RNF215: variants seen among roughly 807,000 people sequenced by gnomAD.
RNF215 encodes ring finger protein 215.
RNF215 carries 41 observed loss-of-function variants against 44.8 expected under a neutral mutation model. The ratio of observed to expected loss-of-function variants is 0.92; its 90% CI spans 0.71 to 1.19. The LOEUF is 1.19. Among genes scored for constraint, RNF215 ranks in the 50% most tolerant of loss-of-function variants. The probability of loss-of-function intolerance (pLI) is 0.00; values close to 1 mark genes in which losing one functional copy is unlikely to be tolerated. For synonymous variants in RNF215, 218 were observed against 230.1 expected (o/e 0.95, Z 0.48); for missense variants, 452 against 496.2 (o/e 0.91, Z 0.85).
intron 2 of RNF215, among the ~76,000 whole-genome samples, chr22:30,386,394 T>C (rs1933600189): frequency 6.6e-6 from 1 of 152,122 alleles, no homozygotes; most frequent in Admixed American, 6.5e-5. Flanking sequence ...CCCCATCCCA[T>C]ACTCTCAGAG....
In RNF215 at chr22:30,384,499, GGAGGGGAAGTC is replaced by G. The variant is rs1399166855; in HGVS notation, c.588-15_588-5del. ...CTCAGCCGTGGCCTGGGTCCTCCTG[GGAGGGGAAGTC>G]ACCGGGGCCAGATGGAAGGACTCTT... On this transcript the variant is annotated splice_polypyrimidine_tract_variant and splice_region_variant and intron_variant, in intron 4 of 8. Transcript: ENST00000382363. 2 of 1,612,520 alleles carry G rather than the reference GGAGGGGAAGTC, an allele frequency of 1.2e-6. No homozygotes were observed. The highest frequency in any genetic ancestry group is 1.7e-6 in the Non-Finnish European group (2 of 1,179,014).
At chr22:30,381,102 C>T (rs1442992647) in intron 5 of RNF215, among the ~76,000 whole-genome samples, 1 of 152,212 alleles carries the variant, frequency 6.6e-6, no homozygotes, top group African/African-American at 2.4e-5. Flanking sequence ...TCCCTTTCCT[C>T]GGCTACTGCC....
rs750598965 is a variant in RNF215 at position 30,378,876 on chromosome 22, CTT to C, written c.*722_*723del. On this transcript the variant is annotated 3_prime_UTR_variant, in exon 9 of 9. Coordinates refer to ENST00000382363, the MANE Select transcript of RNF215 (RefSeq NM_001017981.2). The stretch of plus-strand genomic sequence containing the variant: ...CTATTAAACCTTCCCTACTCCAACT[CTT>C]TAAAAAAAAAAAAAAAAAAAAAAAA... 1.5e-5 allele frequency: 2 copies of C among 129,850 alleles called. No homozygotes were observed. The highest frequency in any genetic ancestry group is 3.2e-5 in the Non-Finnish European group (2 of 62,230). 8.0% of individuals were successfully genotyped at this position (129,850 alleles called of 1,614,324 possible).
chr22:30,386,539 T>G (rs1307146625), intron 2 of RNF215, 77 bp downstream of exon 2: 4 of 1,528,046 alleles, frequency 2.6e-6, no homozygotes, highest in Non-Finnish European at 3.5e-6. Context: ...TAAGGGCCCA[T>G]CTAAGGAGGG....
At chr22:30,384,770 T>G in intron 4 of RNF215, 2 of 340,134 alleles carry the variant, frequency 5.9e-6, no homozygotes, top group Non-Finnish European at 1.1e-5. Flanking sequence ...GGCACCTCCT[T>G]CCCATCCCCT....
chr22:30,385,950 G>A lies in RNF215; in HGVS notation c.541C>T (p.Leu181Phe). ...SQLLLRPVIV[L>F]HYSSNVTKLL... ...TTGGTGACATTGGAGGAATAATGGA[G>A]GACGATCACTGGCCTGAGCAGAAGC... Residue 181 changes from leucine to phenylalanine, a missense_variant, in exon 4 of 9, where the codon CTC (leucine) becomes TTC (phenylalanine). Leu to Phe is a conservative substitution (Grantham distance 22, BLOSUM62 0). Transcript: ENST00000382363. 1 of 1,614,202 alleles carries A rather than the reference G, an allele frequency of 6.2e-7. No homozygotes were observed. Among genetic ancestry groups the A allele is most frequent in the South Asian group, 1.1e-5 (1 of 91,086 alleles).
chr22:30,386,654 T>C lies in RNF215; in HGVS notation c.391A>G (p.Ser131Gly). The C allele has an allele frequency of 6.2e-7, 1 of 1,613,334 alleles. No individual in the cohort carries two copies. The highest frequency in any genetic ancestry group is 8.5e-7 in the Non-Finnish European group (1 of 1,180,000). Residue 131 changes from serine to glycine, a missense_variant, in exon 2 of 9, where the codon AGT becomes GGT. Coordinates refer to ENST00000382363, the MANE Select transcript of RNF215 (RefSeq NM_001017981.2). ...GCCTTGGGATAGGCCTGCGGGCCAC[T>C]GCCCTTATTCTCCTGGTGGAACTGG... Reference protein sequence around the residue: ...AAQFHQENKGSGPQAYPKALV... With the variant: ...AAQFHQENKGGGPQAYPKALV...
chr22:30,380,281 C>T lies in RNF215; in HGVS notation c.864+1G>A, dbSNP rs1220499496. ...TGGGGCTCCCTGGGGCTGGCTCCCA[C>T]CTGGCCTCCGAGCTCCCGCTGGCTC... On this transcript the variant is annotated splice_donor_variant, in intron 6 of 8. Coordinates refer to ENST00000382363, the MANE Select transcript of RNF215 (RefSeq NM_001017981.2). LOFTEE classifies it high-confidence loss of function. The surrounding 1 kb of genome is among the most constrained non-coding windows in gnomAD (Gnocchi z 5.3). 5.0e-6 allele frequency: 8 copies of T among 1,610,726 alleles called. No homozygotes were observed. Among genetic ancestry groups the T allele is most frequent in the South Asian group, 2.2e-5 (2 of 90,896 alleles).
At chr22:30,382,003 G>C (rs888610095) in intron 5 of RNF215, among the ~76,000 whole-genome samples, 1 of 152,194 alleles carries the variant, frequency 6.6e-6, no homozygotes, top group Non-Finnish European at 1.5e-5. Flanking sequence ...CTCCAGACTG[G>C]GCCCCCATGA....
At position 30,387,363 on chromosome 22, in the gene RNF215, CGG is replaced by C; in HGVS notation, c.-52_-51del. 1 of 1,014,488 alleles carries C rather than the reference CGG, an allele frequency of 9.9e-7. No homozygotes were observed. Among genetic ancestry groups the C allele is most frequent in the Non-Finnish European group, 1.2e-6 (1 of 849,040 alleles). 62.8% of individuals were successfully genotyped at this position (1,014,488 alleles called of 1,614,324 possible). A position where few individuals can be genotyped will look rare whatever the true frequency, so the allele number is the denominator to read the frequency against. On this transcript the variant is annotated 5_prime_UTR_variant, in exon 1 of 9. Transcript: ENST00000382363. ...ACAGTGGGGCCAGGGGTCCCGGGCG[CGG>C]GGGGGATCGGAGGGAGCGAGGCCGC... is the stretch of plus-strand genomic sequence containing the variant.
In RNF215 at chr22:30,379,458, G is replaced by T; in HGVS notation, c.*142C>A. The T allele has an allele frequency of 1.0e-6, 1 of 978,142 alleles. No homozygotes were observed. The highest frequency in any genetic ancestry group is 1.5e-6 in the Non-Finnish European group (1 of 661,750). The allele number at this position is 978,142 out of a possible 1,614,324, so 60.6% of individuals were successfully genotyped here. A position where few individuals can be genotyped will look rare whatever the true frequency, so the allele number is the denominator to read the frequency against. On this transcript the variant is annotated 3_prime_UTR_variant, in exon 9 of 9. Transcript: ENST00000382363. ...TCCTTCCCAGTGTGGACATGGTGGG[G>T]CCCTCATCCTTCCTCCCACCCACTG...
Position 30,380,217 on chromosome 22 carries a change from G to A in RNF215, c.865-12C>T. The A allele has an allele frequency of 1.9e-6, 3 of 1,613,268 alleles. No individual in the cohort carries two copies. Among genetic ancestry groups the A allele is most frequent in the Non-Finnish European group, 2.5e-6 (3 of 1,179,580 alleles). ...TTAAACAGGTCCACCTGTGGGGAGAGGACGGGCACAGTCTTGCAGGTCCAA... is the reference window on the plus strand; with the variant it reads ...TTAAACAGGTCCACCTGTGGGGAGAAGACGGGCACAGTCTTGCAGGTCCAA... On this transcript the variant is annotated splice_polypyrimidine_tract_variant and intron_variant, in intron 6 of 8. Transcript: ENST00000382363. The surrounding 1 kb of genome is among the most constrained non-coding windows in gnomAD (Gnocchi z 5.3).
chr22:30,379,747 G>A lies in RNF215; in HGVS notation c.1075C>T (p.Gln359Ter). Residue 359 changes from glutamine to a stop codon, truncating the protein, a stop_gained, in exon 8 of 9, where the codon CAG becomes TAG. Coordinates refer to ENST00000382363, the MANE Select transcript of RNF215 (RefSeq NM_001017981.2). LOFTEE classifies it high-confidence loss of function. ...AATTTGCACAGTGGGCAGGTCTGCT[G>A]GAGCATCAGCCAGGGGTCCACACAG... ...RDCVDPWLML[Q>*]QTCPLCKFNV... The A allele has an allele frequency of 1.3e-6, 2 of 1,567,574 alleles. No individual in the cohort carries two copies. The highest frequency in any genetic ancestry group is 1.2e-5 in the South Asian group (1 of 85,118).
At position 30,380,744 on chromosome 22, in the gene RNF215, C is replaced by T. The variant is rs1471935053; in HGVS notation, c.745-343G>A. Among the ~76,000 whole-genome samples the T allele has an allele frequency of 2.0e-5, 3 of 152,240 alleles. No homozygotes were observed. The highest frequency in any genetic ancestry group is 6.5e-5 in the Admixed American group (1 of 15,294). On this transcript the variant is annotated intron_variant, in intron 5 of 8. Coordinates refer to ENST00000382363, the MANE Select transcript of RNF215 (RefSeq NM_001017981.2). This position sits in a 1 kb window ranked among gnomAD's most constrained non-coding sequence, Gnocchi z 5.3. ...CAACCCAGCACCCAGCAACCCAGCA[C>T]CCAGCCTGGGACCTGCTCACTCTCC...
intron 1 of RNF215, 48 bp from the exon 2 acceptor site, chr22:30,386,807 G>A: frequency 6.3e-7 from 1 of 1,576,868 alleles, no homozygotes; most frequent in Non-Finnish European, 8.6e-7. Context: ...TGTGGTGGGG[G>A]AGGGAGCCGG....
intron 2 of RNF215, 109 bp downstream of exon 2, chr22:30,386,507 C>T (rs1238881571): frequency 1.4e-6 from 2 of 1,399,346 alleles, no homozygotes; most frequent in Non-Finnish European, 1.9e-6. Flanking sequence ...CCCACCAGGC[C>T]TAGGGCTTCT....
intron 5 of RNF215, 65 bp downstream of exon 5, chr22:30,384,271 TACA>T: frequency 1.3e-6 from 2 of 1,507,514 alleles, no homozygotes; most frequent in Non-Finnish European, 1.8e-6. Flanking sequence ...GGATTTTCAA[TACA>T]AAGCCATGTA....
At chr22:30,385,680 G>T (rs991840105) in intron 4 of RNF215, among the ~76,000 whole-genome samples, 1 of 151,608 alleles carries the variant, frequency 6.6e-6, no homozygotes, top group African/African-American at 2.4e-5. Flanking sequence ...AGCTACTTGG[G>T]AGACTGAGGC....
At position 30,380,250 on chromosome 22, in the gene RNF215, G is replaced by C; in HGVS notation, c.864+32C>G. 6.2e-7 allele frequency: 1 copy of C among 1,611,010 alleles called. No homozygotes were observed. Among genetic ancestry groups the C allele is most frequent in the Middle Eastern group, 1.7e-4 (1 of 6,034 alleles). Reference sequence around the variant, plus strand: ...ACAGTCTTGCAGGTCCAAGGGCTGAGGGTGCTGGGGCTCCCTGGGGCTGGC... The same window carrying C: ...ACAGTCTTGCAGGTCCAAGGGCTGACGGTGCTGGGGCTCCCTGGGGCTGGC... On this transcript the variant is annotated intron_variant, in intron 6 of 8. Coordinates refer to ENST00000382363, the MANE Select transcript of RNF215 (RefSeq NM_001017981.2). The surrounding 1 kb of genome is among the most constrained non-coding windows in gnomAD (Gnocchi z 5.3).
Sources: gnomAD v4.1 joint callset for allele counts (sites outside exome capture counted in the v4.1 genomes callset) on GRCh38, gnomAD v4.1.1 for gene constraint, Gnocchi (gnomAD v3.1) non-coding constraint, MANE v1.5 for transcripts, NCBI Gene and HGNC (gene_info 2026-07-23, HGNC 2026-07-21) for gene names.